Variants in ZFAND1 observed in about 807,000 individuals in gnomAD.
ZFAND1 encodes AN1-type zinc finger protein 1.
ZFAND1 carries 40 observed loss-of-function variants against 38.5 expected under a neutral mutation model. The ratio of observed to expected loss-of-function variants is 1.04; its 90% confidence interval spans 0.81 to 1.35. The LOEUF (loss-of-function observed/expected upper bound fraction) is 1.35. Among genes scored for constraint, ZFAND1 ranks in the 40% most tolerant of loss-of-function variants. The probability of loss-of-function intolerance (pLI) is 0.00; values close to 1 mark genes in which losing one functional copy is unlikely to be tolerated. For synonymous variants in ZFAND1, 117 were observed against 103.6 expected (o/e 1.13, Z -0.78); for missense variants, 346 against 316.3 (o/e 1.09, Z -0.71).
chr8:81,708,795 G>A, intron 6 of ZFAND1: 1 of 1,263,132 alleles, frequency 7.9e-7, no homozygotes, highest in Non-Finnish European at 1.0e-6. Context: ...TACCAAGTTA[G>A]TGCTCTTAAA....
chr8:81,708,545 T>A (rs961998869), intron 6 of ZFAND1, among the ~76,000 whole-genome samples: 2 of 151,104 alleles, frequency 1.3e-5, no homozygotes, highest in African/African-American at 4.9e-5. Context: ...CAAAGCATAC[T>A]CACTAACAAT....
At chr8:81,708,198 T>C (rs1242182581) in intron 6 of ZFAND1, among the ~76,000 whole-genome samples, 1 of 139,766 alleles carries the variant, frequency 7.2e-6, no homozygotes, top group Non-Finnish European at 1.5e-5. Context: ...TGCAGTGAGC[T>C]GAGATCGCAC....
intron 6 of ZFAND1, chr8:81,708,915 G>T (rs1489781327): frequency 4.5e-6 from 2 of 444,928 alleles, no homozygotes; most frequent in African/African-American, 2.2e-5. Flanking sequence ...ACTATACTTA[G>T]TATAGGCAAT....
intron 6 of ZFAND1, among the ~76,000 whole-genome samples, chr8:81,713,268 GCCCACCACCACACCT>G (rs370211544): frequency 0.56 from 84,275 of 151,342 alleles, 23,888 homozygotes; most frequent in South Asian, 0.61. Flanking sequence ...GACTACAGGC[GCCCACCACCACACCT>G]GGCTAATTTT....
Position 81,715,245 on chromosome 8 carries a change from T to G in ZFAND1, c.139-131A>C, listed in dbSNP as rs1018887826. ...AGAGCAAGTTACTTACTCTCAAAGA[T>G]TATAAAGAATGTTTTATGTGACAAA... On this transcript the variant is annotated intron_variant, in intron 3 of 7. Coordinates refer to ENST00000220669, the MANE Select transcript of ZFAND1 (RefSeq NM_024699.3). 4.6e-6 allele frequency: 4 copies of G among 870,288 alleles called. No individual in the cohort carries two copies. The African/African-American group carries it at 6.8e-5, about 15-fold the overall frequency. The allele number at this position is 870,288 out of a possible 1,614,324, so 53.9% of individuals were successfully genotyped here.
At position 81,721,261 on chromosome 8, in the gene ZFAND1, C is replaced by T. The variant is rs1271202515; in HGVS notation, c.21G>A (p.Gly7=). ...GGCAATGCTCCACCTGGCAGTGCTG[C>T]CCGATGTCCAACTCCGCCATCTCTC... MAELDI[G]QHCQVEHCRQ... is the part of the protein sequence containing the mutation. Residue 7 remains glycine, a synonymous_variant, in exon 1 of 8, where the codon GGG becomes GGA. Transcript: ENST00000220669. The T allele has an allele frequency of 1.9e-6, 3 of 1,549,292 alleles. No homozygotes were observed. The highest frequency in any genetic ancestry group is 1.4e-5 in the African/African-American group (1 of 73,226).
At chr8:81,702,929 C>A in intron 7 of ZFAND1, 40 bp downstream of exon 7, 2 of 1,503,408 alleles carry the variant, frequency 1.3e-6, no homozygotes, top group Non-Finnish European at 1.8e-6. Flanking sequence ...CATCATAAAA[C>A]CTTTATTAAT....
At chr8:81,713,266 GCGCCCACCACCACACCT>G (rs1563607720) in intron 6 of ZFAND1, among the ~76,000 whole-genome samples, 99 of 34,752 alleles carry the variant, frequency 2.8e-3, no homozygotes, top group Middle Eastern at 0.03. Flanking sequence ...GGGACTACAG[GCGCCCACCACCACACCT>G]GGCTAATTTT....
intron 3 of ZFAND1, among the ~76,000 whole-genome samples, chr8:81,716,062 A>T (rs1808299186): frequency 6.6e-6 from 1 of 152,256 alleles, no homozygotes; most frequent in African/African-American, 2.4e-5. Flanking sequence ...TAAACTTCAA[A>T]GGGTCAGATT....
At chr8:81,715,910 T>C (rs966259215) in intron 3 of ZFAND1, among the ~76,000 whole-genome samples, 6 of 152,192 alleles carry the variant, frequency 3.9e-5, no homozygotes, top group Non-Finnish European at 8.8e-5. Context: ...AATTATATCC[T>C]AAGAAAAAAG....
chr8:81,721,076 C>G, intron 1 of ZFAND1, 151 bp downstream of exon 1: 1 of 631,940 alleles, frequency 1.6e-6, no homozygotes, highest in Non-Finnish European at 2.8e-6. Context: ...CAACCGATCT[C>G]ACTGCAGCCC....
At chr8:81,709,327 T>A (rs879514066) in intron 6 of ZFAND1, among the ~76,000 whole-genome samples, 1 of 152,166 alleles carries the variant, frequency 6.6e-6, no homozygotes, top group Non-Finnish European at 1.5e-5. Context: ...ATATTTAATA[T>A]CTATCTCAGC....
chr8:81,719,351 A>G (rs1434017632), intron 1 of ZFAND1, among the ~76,000 whole-genome samples: 1 of 150,996 alleles, frequency 6.6e-6, no homozygotes, highest in South Asian at 2.1e-4. Flanking sequence ...ACACACACAC[A>G]CACAAATTAG....
chr8:81,717,454 T>C (rs988838249), intron 2 of ZFAND1, among the ~76,000 whole-genome samples, 166 bp from the exon 3 acceptor site: 8 of 152,178 alleles, frequency 5.3e-5, no homozygotes, highest in African/African-American at 1.7e-4. Flanking sequence ...ATGGAGCATC[T>C]ATAGTCTCAA....
intron 6 of ZFAND1, chr8:81,708,721 A>G: frequency 9.2e-7 from 1 of 1,091,348 alleles, no homozygotes; most frequent in Non-Finnish European, 1.1e-6. Context: ...CCATGGAGAA[A>G]AAGGGTACTC....
rs35031788 is a variant in ZFAND1, at chr8:81,706,370, C to CAAAAAAAA, written c.481-3254_481-3247dup. Among the ~76,000 whole-genome samples the CAAAAAAAA allele has an allele frequency of 7.4e-3, 539 of 72,664 alleles. 27 individuals carry two copies. Among genetic ancestry groups the CAAAAAAAA allele is most frequent in the East Asian group, 0.015 (33 of 2,216 alleles). The allele number at this position is 72,664 out of a possible 152,430, so 47.7% of individuals were successfully genotyped here. ...CAAGTAAGCCCTAAGGAAGGAGAAACAAAAAAAAAAAAAAAAAAAAAAAAG... is the reference window on the plus strand; with the variant it reads ...CAAGTAAGCCCTAAGGAAGGAGAAACAAAAAAAAAAAAAAAAAAAAAAAAAAAAAAAAG... On this transcript the variant is annotated intron_variant, in intron 6 of 7. Coordinates refer to ENST00000220669, the MANE Select transcript of ZFAND1 (RefSeq NM_024699.3).
intron 1 of ZFAND1, among the ~76,000 whole-genome samples, chr8:81,719,073 C>T (rs975660930): frequency 1.3e-5 from 2 of 151,598 alleles, no homozygotes; most frequent in Non-Finnish European, 2.9e-5. Flanking sequence ...CTTACAGAAA[C>T]CAAATGAGAT....
chr8:81,709,888 T>G (rs972055818), intron 6 of ZFAND1, among the ~76,000 whole-genome samples: 3 of 152,226 alleles, frequency 2.0e-5, no homozygotes, highest in Non-Finnish European at 2.9e-5. Flanking sequence ...GCATACCTTA[T>G]AAACTTGTTG....
At chr8:81,709,582 C>A (rs1808077508) in intron 6 of ZFAND1, among the ~76,000 whole-genome samples, 1 of 151,946 alleles carries the variant, frequency 6.6e-6, no homozygotes, top group Non-Finnish European at 1.5e-5. Flanking sequence ...ATAACAAATA[C>A]ACTTACACAT....
Sources: gnomAD v4.1 joint callset for allele counts (sites outside exome capture counted in the v4.1 genomes callset) on GRCh38, gnomAD v4.1.1 for gene constraint, MANE v1.5 for transcripts, NCBI Gene and HGNC (gene_info 2026-07-23, HGNC 2026-07-21) for gene names.